The following IPO5 variants were observed in gnomAD, a reference collection of about 807,000 sequenced individuals.
The protein encoded by IPO5 is importin-5.
IPO5 carries 18 observed loss-of-function variants against 143.3 expected under a neutral mutation model. The observed-to-expected ratio is 0.13, with a 90% CI of 0.09 to 0.19. The LOEUF is 0.19. Ranked by LOEUF, IPO5 falls within the 10% of genes least tolerant of loss-of-function variation. IPO5 has a pLI of 1.00. For missense variants in IPO5, 1,013 were observed against 1,336.9 expected, an observed-to-expected ratio of 0.76 and a Z score of 3.78; for synonymous variants, 477 against 465.7, an observed-to-expected ratio of 1.02 and a Z score of -0.31.
chr13:98,002,961 C>T lies in IPO5; in HGVS notation c.1421C>T (p.Pro474Leu). 2 of 1,613,812 alleles carry T rather than the reference C, an allele frequency of 1.2e-6. No homozygotes were observed. Among genetic ancestry groups the T allele is most frequent in the Non-Finnish European group, 1.7e-6 (2 of 1,179,702 alleles). ...CTCATTAACTTTACTGAAGACTGTC[C>T]CAAGTCACTACTTATTCCATACTTG... The part of the protein sequence containing the change: ...AALINFTEDC[P>L]KSLLIPYLDN... The change falls in exon 16 of 29, where the codon CCC becomes CTC. Residue 474 changes from proline to leucine, a missense_variant. By Grantham distance (98) the Pro-to-Leu change is moderately conservative. Around this residue, in one of 2 missense-constraint regions of IPO5, gnomAD observed 685 missense variants for 994.9 expected, o/e 0.69. Coordinates refer to ENST00000651721, the MANE Select transcript of IPO5 (RefSeq NM_002271.6).
chr13:98,021,450 AAAC>A, intron 28 of IPO5: 1 of 352,582 alleles, frequency 2.8e-6, no homozygotes, highest in Non-Finnish European at 5.0e-6. Context: ...ATCTGCCAAA[AAAC>A]TTTATATGAT....
chr13:98,008,272 T>G, intron 18 of IPO5, 130 bp downstream of exon 18: 1 of 583,558 alleles, frequency 1.7e-6, no homozygotes, highest in South Asian at 2.3e-5. Flanking sequence ...AGAGACATTC[T>G]TCACTGATTT....
chr13:97,964,781 G>C (rs1885177858), intron 2 of IPO5, among the ~76,000 whole-genome samples: 1 of 152,018 alleles, frequency 6.6e-6, no homozygotes, highest in Non-Finnish European at 1.5e-5. Flanking sequence ...GGGACAGTGT[G>C]GCGATTCCTC....
At position 98,022,006 on chromosome 13, in the gene IPO5, C is replaced by T; in HGVS notation, c.*184C>T. 2.4e-6 allele frequency: 1 copy of T among 411,784 alleles called. No homozygotes were observed. The highest frequency in any genetic ancestry group is 4.4e-6 in the Non-Finnish European group (1 of 229,372). 25.5% of individuals were successfully genotyped at this position (411,784 alleles called of 1,614,324 possible). ...AGAATGGAGTTTCCATGGATTTCTA[C>T]CAGACCACTGAAGGAGTTCCTGGAA... is the stretch of plus-strand genomic sequence containing the variant. On this transcript the variant is annotated 3_prime_UTR_variant, in exon 29 of 29. Coordinates refer to ENST00000651721, the MANE Select transcript of IPO5 (RefSeq NM_002271.6).
Position 97,974,433 on chromosome 13 carries a change from A to C in IPO5, c.-4-2260A>C, listed in dbSNP as rs7337978. Among the ~76,000 whole-genome samples, 1,157 of 151,402 alleles carry C rather than the reference A, an allele frequency of 7.6e-3. 20 individuals are homozygous for C. Among genetic ancestry groups the C allele is most frequent in the African/African-American group, 0.026 (1,087 of 41,218 alleles). On this transcript the variant is annotated intron_variant, in intron 3 of 28. Transcript: ENST00000651721. Reference sequence around the variant, plus strand: ...GTGATTCTCCTGCCTCAGCCTCCCGAGTAGCTGGGATTACAGGCGCCCACC... The same window carrying C: ...GTGATTCTCCTGCCTCAGCCTCCCGCGTAGCTGGGATTACAGGCGCCCACC...
At chr13:97,954,062 C>T (rs1350675146) in intron 1 of IPO5, 57 bp from the exon 2 acceptor site, 9 of 333,018 alleles carry the variant, frequency 2.7e-5, no homozygotes, top group Non-Finnish European at 4.8e-5. Context: ...GGTTATTATC[C>T]TAAAGGTCTG....
chr13:97,962,736 T>C (rs996840552), intron 2 of IPO5, among the ~76,000 whole-genome samples: 2 of 151,876 alleles, frequency 1.3e-5, no homozygotes, highest in East Asian at 3.9e-4. Context: ...CAAGAATCAC[T>C]TGAGCCTGGG....
intron 2 of IPO5, among the ~76,000 whole-genome samples, chr13:97,957,583 C>T (rs1336266032): frequency 2.0e-5 from 3 of 151,970 alleles, no homozygotes; most frequent in African/African-American, 7.2e-5. Context: ...GGTAGGAGGC[C>T]TAAATGCTTG....
At chr13:97,976,022 G>C (rs1380005674) in intron 3 of IPO5, 3 of 927,126 alleles carry the variant, frequency 3.2e-6, no homozygotes, top group Non-Finnish European at 3.9e-6. Context: ...GGTCTAAAGG[G>C]ACTGCCTTCC....
intron 9 of IPO5, among the ~76,000 whole-genome samples, chr13:97,990,839 A>G (rs951615640): frequency 6.6e-6 from 1 of 152,208 alleles, no homozygotes; most frequent in Admixed American, 6.5e-5. Flanking sequence ...CAACCAAATA[A>G]CCTGTGAGAT....
intron 2 of IPO5, among the ~76,000 whole-genome samples, chr13:97,957,650 C>A (rs1196886746): frequency 6.6e-6 from 1 of 151,968 alleles, no homozygotes; most frequent in East Asian, 1.9e-4. Context: ...CCTACTACTC[C>A]TGAAGTATAA....
intron 2 of IPO5, among the ~76,000 whole-genome samples, chr13:97,966,057 C>G (rs61970434): frequency 0.36 from 53,577 of 147,844 alleles, 10,992 homozygotes; most frequent in Non-Finnish European, 0.48. Context: ...AGGAGAATCG[C>G]TTGAACCAGG....
intron 6 of IPO5, chr13:97,986,973 G>A (rs556725071): frequency 1.3e-5 from 2 of 153,828 alleles, no homozygotes; most frequent in Non-Finnish European, 2.9e-5. Flanking sequence ...GCCTTTTGAA[G>A]AGACACTTGC....
At chr13:97,977,312 C>G (rs1886460151) in intron 4 of IPO5, among the ~76,000 whole-genome samples, 1 of 152,226 alleles carries the variant, frequency 6.6e-6, no homozygotes, top group African/African-American at 2.4e-5. Flanking sequence ...CTTGTCCCTA[C>G]TGCCTTTTTC....
chr13:97,981,899 T>C (rs1260356148), intron 4 of IPO5, among the ~76,000 whole-genome samples: 3 of 152,196 alleles, frequency 2.0e-5, no homozygotes, highest in Admixed American at 2.0e-4. Flanking sequence ...CACAAACCTC[T>C]TGCTAATAGA....
chr13:97,964,671 G>A (rs1203018365), intron 2 of IPO5, among the ~76,000 whole-genome samples: 3 of 151,586 alleles, frequency 2.0e-5, no homozygotes, highest in East Asian at 1.9e-4. Flanking sequence ...GGATGGTCTC[G>A]ATCTCCTGAC....
chr13:97,955,844 C>A (rs1475167255), intron 2 of IPO5, among the ~76,000 whole-genome samples: 2 of 152,050 alleles, frequency 1.3e-5, no homozygotes, highest in Non-Finnish European at 2.9e-5. Context: ...AATAATTCAG[C>A]ATTTTGGCCA....
intron 3 of IPO5, among the ~76,000 whole-genome samples, chr13:97,974,877 G>T (rs538043980): frequency 1.3e-5 from 2 of 152,250 alleles, no homozygotes; most frequent in South Asian, 2.1e-4. Context: ...CTTTCTAAGA[G>T]AATTTTCTCT....
chr13:98,004,297 G>C (rs1889036791), intron 16 of IPO5, among the ~76,000 whole-genome samples: 1 of 152,198 alleles, frequency 6.6e-6, no homozygotes, highest in Non-Finnish European at 1.5e-5. Context: ...AACAAGAAAT[G>C]CAATGTCTCA....
Sources: gnomAD v4.1 joint callset for allele counts (sites outside exome capture counted in the v4.1 genomes callset) on GRCh38, gnomAD v4.1.1 for gene constraint, gnomAD v4.1.1 regional missense constraint, MANE v1.5 for transcripts, NCBI Gene and HGNC (gene_info 2026-07-23, HGNC 2026-07-21) for gene names.